Variants in FOXC2 observed in about 807,000 individuals in gnomAD.
The protein encoded by FOXC2 is forkhead box protein C2.
A neutral mutation model predicts 7.2 loss-of-function variants in FOXC2; 7 were observed. The ratio of observed to expected loss-of-function variants is 0.97; its 90% CI spans 0.55 to 1.81. The LOEUF is 1.81. FOXC2 is among the 40% of genes most tolerant of loss of function. The pLI is 0.00. For synonymous variants in FOXC2, 436 were observed against 350.4 expected (o/e 1.24, Z -2.73); for missense variants, 846 against 741.2 (o/e 1.14, Z -1.64).
chr16:86,568,202 G>T lies in FOXC2; in HGVS notation c.867G>T (p.Pro289=). 1 of 1,279,270 alleles carries T rather than the reference G, an allele frequency of 7.8e-7. No individual in the cohort carries two copies. Among genetic ancestry groups the T allele is most frequent in the Non-Finnish European group, 9.8e-7 (1 of 1,020,406 alleles). The allele number at this position is 1,279,270 out of a possible 1,614,324, so 79.2% of individuals were successfully genotyped here. A position where few individuals can be genotyped will look rare whatever the true frequency, so the allele number is the denominator to read the frequency against. ...CGCCGCCGGGCGGAGAGCTGAGCCC[G>T]GGGGCCGGACGCGCGGGCCTGGTGG... ...RTSPPGGELS[P]GAGRAGLVVP... is the part of the protein sequence containing the mutation. The change falls in exon 1 of 1, where the codon CCG becomes CCT. Residue 289 remains proline (P), a synonymous_variant. Transcript: ENST00000649859. The surrounding 1 kb of genome is among the most constrained non-coding windows in gnomAD (Gnocchi z 5.2).
Position 86,567,529 on chromosome 16 carries a change from C to T in FOXC2, c.194C>T (p.Ala65Val). 1 of 1,614,114 alleles carries T rather than the reference C, an allele frequency of 6.2e-7. No homozygotes were observed. Among genetic ancestry groups the T allele is most frequent in the Non-Finnish European group, 8.5e-7 (1 of 1,180,020 alleles). Residue 65 changes from alanine to valine, a missense_variant, in exon 1 of 1, where the codon GCG becomes GTG. Ala to Val is a moderately conservative substitution (Grantham distance 64). Around this residue, in one of 3 missense-constraint regions of FOXC2, gnomAD observed 154 missense variants for 134.2 expected, o/e 1.15. Transcript: ENST00000649859. ...GCGCCCTACCACCACCACCAGCCCG[C>T]GGCGCCTAAGGACCTGGTGAAGCCG... The part of the protein sequence containing the change: ...SYAPYHHHQP[A>V]APKDLVKPPY...
chr16:86,567,418 C>T lies in FOXC2; in HGVS notation c.83C>T (p.Ala28Val), dbSNP rs755791847. 7 of 1,613,280 alleles carry T rather than the reference C, an allele frequency of 4.3e-6. No homozygotes were observed. In the South Asian group the frequency reaches 7.7e-5, roughly 18 times the overall value. ...AGCGAGCAGAATTACTACCGGGCTG[C>T]GGGCAGCTACGGCGGCATGGCCAGC... ...YLSEQNYYRA[A>V]GSYGGMASPM... Residue 28 changes from alanine to valine, a missense_variant, in exon 1 of 1, where the codon GCG becomes GTG. Around this residue, in one of 3 missense-constraint regions of FOXC2, gnomAD observed 154 missense variants for 134.2 expected, o/e 1.15. Coordinates refer to ENST00000649859, the MANE Select transcript of FOXC2 (RefSeq NM_005251.3).
At position 86,567,443 on chromosome 16, in the gene FOXC2, C is replaced by G; in HGVS notation, c.108C>G (p.Ser36Arg). ...RAAGSYGGMA[S>R]PMGVYSGHPE... Reference sequence around the variant, plus strand: ...CGGGCAGCTACGGCGGCATGGCCAGCCCCATGGGCGTCTATTCCGGCCACC... The same window carrying G: ...CGGGCAGCTACGGCGGCATGGCCAGGCCCATGGGCGTCTATTCCGGCCACC... The change falls in exon 1 of 1, where the codon AGC becomes AGG. Residue 36 changes from serine (S) to arginine (R), a missense_variant. Physicochemically the swap from Ser to Arg is moderately radical, Grantham distance 110. Transcript: ENST00000649859. 6.2e-7 allele frequency: 1 copy of G among 1,613,280 alleles called. No individual in the cohort carries two copies. Among genetic ancestry groups the G allele is most frequent in the South Asian group, 1.1e-5 (1 of 91,068 alleles).
Position 86,568,579 on chromosome 16 carries a change from G to C in FOXC2, c.1244G>C (p.Gly415Ala). 2 of 1,592,636 alleles carry C rather than the reference G, an allele frequency of 1.3e-6. No homozygotes were observed. The highest frequency in any genetic ancestry group is 3.4e-5 in the Admixed American group (2 of 58,470). Residue 415 changes from glycine (G) to alanine (A), a missense_variant, in exon 1 of 1, where the codon GGG (glycine) becomes GCG (alanine). Physicochemically the swap from Gly to Ala is moderately conservative, Grantham distance 60. Around this residue, in one of 3 missense-constraint regions of FOXC2, gnomAD observed 640 missense variants for 503.2 expected, o/e 1.27. Coordinates refer to ENST00000649859, the MANE Select transcript of FOXC2 (RefSeq NM_005251.3). The surrounding 1 kb of genome is among the most constrained non-coding windows in gnomAD (Gnocchi z 5.2). ...APQPQPTPQP[G>A]AAAAQAASWY... ...CAGCCCCAGCCGACGCCGCAGCCCGGGGCCGCCGCGGCGCAGGCGGCCTCC... is the reference window on the plus strand; with the variant it reads ...CAGCCCCAGCCGACGCCGCAGCCCGCGGCCGCCGCGGCGCAGGCGGCCTCC...
At position 86,567,263 on chromosome 16, in the gene FOXC2, C is replaced by G; in HGVS notation, c.-73C>G. ...CCTCTGGCTCTCTCGCGCTCTCTCG[C>G]TCTCAGGGCCCCCCTCGCTCCCCCG... On this transcript the variant is annotated 5_prime_UTR_variant, in exon 1 of 1. Transcript: ENST00000649859. 6.4e-7 allele frequency: 1 copy of G among 1,568,832 alleles called. No homozygotes were observed. The highest frequency in any genetic ancestry group is 8.7e-7 in the Non-Finnish European group (1 of 1,147,908).
chr16:86,567,436 T>A lies in FOXC2; in HGVS notation c.101T>A (p.Met34Lys). The change falls in exon 1 of 1, where the codon ATG (methionine) becomes AAG (lysine). Residue 34 changes from methionine (M) to lysine (K), a missense_variant. Coordinates refer to ENST00000649859, the MANE Select transcript of FOXC2 (RefSeq NM_005251.3). ...YYRAAGSYGGMASPMGVYSGH... is the reference protein window; with the variant it reads ...YYRAAGSYGGKASPMGVYSGH... The stretch of plus-strand genomic sequence containing the variant: ...CGGGCTGCGGGCAGCTACGGCGGCA[T>A]GGCCAGCCCCATGGGCGTCTATTCC... The A allele has an allele frequency of 6.2e-7, 1 of 1,613,232 alleles. No homozygotes were observed. Among genetic ancestry groups the A allele is most frequent in the Non-Finnish European group, 8.5e-7 (1 of 1,179,856 alleles).
chr16:86,567,839 C>G lies in FOXC2; in HGVS notation c.504C>G (p.Phe168Leu), dbSNP rs1974219284. The G allele has an allele frequency of 6.2e-7, 1 of 1,613,408 alleles. No individual in the cohort carries two copies. Among genetic ancestry groups the G allele is most frequent in the Non-Finnish European group, 8.5e-7 (1 of 1,179,994 alleles). The change falls in exon 1 of 1, where the codon TTC becomes TTG. Residue 168 changes from phenylalanine to leucine, a missense_variant. This residue lies in a region of FOXC2 where 640 missense variants were observed against 503.2 expected (regional missense o/e 1.27). Transcript: ENST00000649859. Reference sequence around the variant, plus strand: ...GCTTCCTGCGGCGCCGGCGGCGCTTCAAAAAGAAGGACGTGTCCAAGGAGA... The same window carrying G: ...GCTTCCTGCGGCGCCGGCGGCGCTTGAAAAAGAAGGACGTGTCCAAGGAGA... Reference protein sequence around the residue: ...NGSFLRRRRRFKKKDVSKEKE... With the variant: ...NGSFLRRRRRLKKKDVSKEKE...
At position 86,568,060 on chromosome 16, in the gene FOXC2, G is replaced by T; in HGVS notation, c.725G>T (p.Arg242Leu). The T allele has an allele frequency of 6.9e-7, 1 of 1,446,128 alleles. No individual in the cohort carries two copies. Among genetic ancestry groups the T allele is most frequent in the Non-Finnish European group, 9.0e-7 (1 of 1,110,338 alleles). 89.6% of individuals were successfully genotyped at this position (1,446,128 alleles called of 1,614,324 possible). ...GAGAGCGCGCTGCAGGGCAGCCCGCGCAGCGCGGCCTCCACGCCCGCCGGC... is the reference window on the plus strand; with the variant it reads ...GAGAGCGCGCTGCAGGGCAGCCCGCTCAGCGCGGCCTCCACGCCCGCCGGC... ...SPESALQGSP[R>L]SAASTPAGSP... Residue 242 changes from arginine (R) to leucine (L), a missense_variant, in exon 1 of 1, where the codon CGC (arginine) becomes CTC (leucine). Physicochemically the swap from Arg to Leu is moderately radical, Grantham distance 102 (BLOSUM62 -2). Around this residue, in one of 3 missense-constraint regions of FOXC2, gnomAD observed 640 missense variants for 503.2 expected, o/e 1.27. Coordinates refer to ENST00000649859, the MANE Select transcript of FOXC2 (RefSeq NM_005251.3). The surrounding 1 kb of genome is among the most constrained non-coding windows in gnomAD (Gnocchi z 5.2).
rs1974204174 is a variant in FOXC2 at position 86,567,046 on chromosome 16, C to T, written c.-290C>T. Among the ~76,000 whole-genome samples the T allele has an allele frequency of 6.6e-6, 1 of 150,700 alleles. No individual in the cohort carries two copies. Among genetic ancestry groups the T allele is most frequent in the Non-Finnish European group, 1.5e-5 (1 of 67,504 alleles). ...GGCCGCCCGCCTGCCCGCGCTGCCG[C>T]CGCCGGGTCCTGGAGCCAGCGAGGA... is the stretch of plus-strand genomic sequence containing the variant. On this transcript the variant is annotated 5_prime_UTR_variant, in exon 1 of 1. Coordinates refer to ENST00000649859, the MANE Select transcript of FOXC2 (RefSeq NM_005251.3).
In FOXC2 at chr16:86,569,487, T is replaced by G. The variant is rs931933356; in HGVS notation, c.*646T>G. 1 of 167,320 alleles carries G rather than the reference T, an allele frequency of 6.0e-6. No homozygotes were observed. Among genetic ancestry groups the G allele is most frequent in the East Asian group, 1.9e-4 (1 of 5,212 alleles). 10.4% of individuals were successfully genotyped at this position (167,320 alleles called of 1,614,324 possible). On this transcript the variant is annotated 3_prime_UTR_variant, in exon 1 of 1. Coordinates refer to ENST00000649859, the MANE Select transcript of FOXC2 (RefSeq NM_005251.3). ...TATGAGATATAATTCTTTTTCCCATTGTAGGTCTTTTACAAAACAAGAAAA... is the reference window on the plus strand; with the variant it reads ...TATGAGATATAATTCTTTTTCCCATGGTAGGTCTTTTACAAAACAAGAAAA...
Position 86,567,489 on chromosome 16 carries a change from A to G in FOXC2, c.154A>G (p.Met52Val), listed in dbSNP as rs747725530. 1.5e-5 allele frequency: 25 copies of G among 1,613,594 alleles called. No individual in the cohort carries two copies. Among genetic ancestry groups the G allele is most frequent in the Middle Eastern group, 3.3e-4 (2 of 6,062 alleles). Reference protein sequence around the residue: ...SGHPEQYSAGMGRSYAPYHHH... With the variant: ...SGHPEQYSAGVGRSYAPYHHH... ...CCACCCGGAGCAGTACAGCGCGGGG[A>G]TGGGCCGCTCCTACGCGCCCTACCA... The change falls in exon 1 of 1, where the codon ATG (methionine) becomes GTG (valine). Residue 52 changes from methionine to valine, a missense_variant. By Grantham distance (21) the Met-to-Val change is conservative (BLOSUM62 1). Around this residue, in one of 3 missense-constraint regions of FOXC2, gnomAD observed 154 missense variants for 134.2 expected, o/e 1.15. Transcript: ENST00000649859.
chr16:86,568,149 G>T lies in FOXC2; in HGVS notation c.814G>T (p.Val272Leu). The T allele has an allele frequency of 7.4e-7, 1 of 1,343,400 alleles. No individual in the cohort carries two copies. Among genetic ancestry groups the T allele is most frequent in the Non-Finnish European group, 9.5e-7 (1 of 1,056,534 alleles). 83.2% of individuals were successfully genotyped at this position (1,343,400 alleles called of 1,614,324 possible). ...AAPNGLPGFSVENIMTLRTSP... is the reference protein window; with the variant it reads ...AAPNGLPGFSLENIMTLRTSP... ...GCCCAACGGGCTGCCTGGCTTCAGC[G>T]TGGAGAACATCATGACCCTGCGAAC... Residue 272 changes from valine (V) to leucine (L), a missense_variant, in exon 1 of 1, where the codon GTG (valine) becomes TTG (leucine). This residue lies in a region of FOXC2 where 640 missense variants were observed against 503.2 expected (regional missense o/e 1.27). Transcript: ENST00000649859. The surrounding 1 kb of genome is among the most constrained non-coding windows in gnomAD (Gnocchi z 5.2).
chr16:86,567,782 C>T lies in FOXC2; in HGVS notation c.447C>T (p.Asp149=), dbSNP rs1271328094. The T allele has an allele frequency of 7.4e-6, 12 of 1,614,134 alleles. No individual in the cohort carries two copies. Among genetic ancestry groups the T allele is most frequent in the Non-Finnish European group, 9.3e-6 (11 of 1,180,030 alleles). Residue 149 remains aspartate, a synonymous_variant, in exon 1 of 1, where the codon GAC becomes GAT. Coordinates refer to ENST00000649859, the MANE Select transcript of FOXC2 (RefSeq NM_005251.3). ...GCAAGGGCAGTTACTGGACCCTGGA[C>T]CCGGACTCCTACAACATGTTCGAGA... is the stretch of plus-strand genomic sequence containing the variant. ...KPGKGSYWTL[D]PDSYNMFENG... is the part of the protein sequence containing the mutation.
In FOXC2 at chr16:86,567,101, G is replaced by A. The variant is rs531999945; in HGVS notation, c.-235G>A. 4.5e-4 allele frequency: 115 copies of A among 255,352 alleles called. 1 individual carries two copies. Among genetic ancestry groups the A allele is most frequent in the African/African-American group, 2.5e-3 (112 of 44,118 alleles). 15.8% of individuals were successfully genotyped at this position (255,352 alleles called of 1,614,324 possible). A position where few individuals can be genotyped will look rare whatever the true frequency, so the allele number is the denominator to read the frequency against. ...GGCCGGCGCTGCGCTTGCCCGGGGC[G>A]CGCCCTCCAGGATGCCGATCCGCCC... On this transcript the variant is annotated 5_prime_UTR_variant, in exon 1 of 1. Transcript: ENST00000649859.
Position 86,567,291 on chromosome 16 carries a change from C to G in FOXC2, c.-45C>G. The G allele has an allele frequency of 1.9e-6, 3 of 1,609,706 alleles. No individual in the cohort carries two copies. Among genetic ancestry groups the G allele is most frequent in the Non-Finnish European group, 2.5e-6 (3 of 1,178,038 alleles). On this transcript the variant is annotated 5_prime_UTR_variant, in exon 1 of 1. Transcript: ENST00000649859. The stretch of plus-strand genomic sequence containing the variant: ...TCAGGGCCCCCCTCGCTCCCCCGGC[C>G]GCAGTCCGTGCGCGAGGGCGCCGGC...
rs778476389 is a variant in FOXC2 at position 86,568,616 on chromosome 16, C to A, written c.1281C>A (p.Asn427Lys). The A allele has an allele frequency of 1.9e-6, 3 of 1,611,988 alleles. No homozygotes were observed. Among genetic ancestry groups the A allele is most frequent in the Non-Finnish European group, 2.5e-6 (3 of 1,179,720 alleles). Residue 427 changes from asparagine to lysine, a missense_variant, in exon 1 of 1, where the codon AAC becomes AAA. Transcript: ENST00000649859. The surrounding 1 kb of genome is among the most constrained non-coding windows in gnomAD (Gnocchi z 5.2). ...AAAQAASWYL[N>K]HSGDLNHLPG... ...CGCAGGCGGCCTCCTGGTATCTCAA[C>A]CACAGCGGGGACCTGAACCACCTCC... is the stretch of plus-strand genomic sequence containing the variant.
In FOXC2 at chr16:86,567,959, G is replaced by C; in HGVS notation, c.624G>C (p.Glu208Asp). The change falls in exon 1 of 1, where the codon GAG becomes GAC. Residue 208 changes from glutamate (E) to aspartate (D), a missense_variant. Glu to Asp is a conservative substitution (Grantham distance 45, BLOSUM62 2). Coordinates refer to ENST00000649859, the MANE Select transcript of FOXC2 (RefSeq NM_005251.3). ...TAGCGGACGCCCCCAAGGAGGCCGA[G>C]AAGAAGGTGGTGATCAAGAGCGAGG... ...PHLADAPKEA[E>D]KKVVIKSEAA... is the part of the protein sequence containing the mutation. 1 of 1,545,212 alleles carries C rather than the reference G, an allele frequency of 6.5e-7. No homozygotes were observed. The highest frequency in any genetic ancestry group is 8.6e-7 in the Non-Finnish European group (1 of 1,160,522).
rs868505894 is a variant in FOXC2, at chr16:86,568,314, G to C, written c.979G>C (p.Gly327Arg). The C allele has an allele frequency of 9.4e-6, 12 of 1,275,768 alleles. No homozygotes were observed. The highest frequency in any genetic ancestry group is 1.2e-5 in the Non-Finnish European group (12 of 1,010,880). 79.0% of individuals were successfully genotyped at this position (1,275,768 alleles called of 1,614,324 possible). A position where few individuals can be genotyped will look rare whatever the true frequency, so the allele number is the denominator to read the frequency against. Residue 327 changes from glycine (G) to arginine (R), a missense_variant, in exon 1 of 1, where the codon GGG (glycine) becomes CGG (arginine). Physicochemically the swap from Gly to Arg is moderately radical, Grantham distance 125. Coordinates refer to ENST00000649859, the MANE Select transcript of FOXC2 (RefSeq NM_005251.3). This position sits in a 1 kb window ranked among gnomAD's most constrained non-coding sequence, Gnocchi z 5.2. The stretch of plus-strand genomic sequence containing the variant: ...TCAGGGCCTGGAGGCCGGGGCCGCC[G>C]GGGGCTACCAGTGCAGCATGCGAGC... ...CAQGLEAGAA[G>R]GYQCSMRAMS...
rs1467386021 is a variant in FOXC2 at position 86,568,382 on chromosome 16, C to T, written c.1047C>T (p.Cys349=). Reference sequence around the variant, plus strand: ...GGGCCGAGCGGCCGGCGCACATGTGCGTCCCGCCCGCCCTGGACGAGGCCC... The same window carrying T: ...GGGCCGAGCGGCCGGCGCACATGTGTGTCCCGCCCGCCCTGGACGAGGCCC... ...YTGAERPAHM[C]VPPALDEALS... Residue 349 remains cysteine (C), a synonymous_variant, in exon 1 of 1, where the codon TGC becomes TGT. Transcript: ENST00000649859. This position sits in a 1 kb window ranked among gnomAD's most constrained non-coding sequence, Gnocchi z 5.2. 7.2e-7 allele frequency: 1 copy of T among 1,385,718 alleles called. No homozygotes were observed. The highest frequency in any genetic ancestry group is 1.5e-5 in the South Asian group (1 of 66,106). The allele number at this position is 1,385,718 out of a possible 1,614,324, so 85.8% of individuals were successfully genotyped here. A position where few individuals can be genotyped will look rare whatever the true frequency, so the allele number is the denominator to read the frequency against.
Sources: gnomAD v4.1 joint callset for allele counts (sites outside exome capture counted in the v4.1 genomes callset) on GRCh38, gnomAD v4.1.1 for gene constraint, gnomAD v4.1.1 regional missense constraint, Gnocchi (gnomAD v3.1) non-coding constraint, MANE v1.5 for transcripts, NCBI Gene and HGNC (gene_info 2026-07-23, HGNC 2026-07-21) for gene names.